Variants in CRACD observed in about 807,000 individuals in gnomAD.
CRACD encodes the protein capping protein-inhibiting regulator of actin dynamics.
In CRACD, 56 loss-of-function variants were observed where a neutral mutation model predicts 106.8. The observed-to-expected ratio is 0.52, with a 90% confidence interval of 0.42 to 0.66. CRACD has a LOEUF of 0.66. Among genes scored for constraint, CRACD ranks in the 30% least tolerant of loss-of-function variants. The pLI, the probability that CRACD is intolerant of heterozygous loss-of-function variation, is 0.00. For synonymous variants in CRACD, 754 were observed against 670.8 expected (o/e 1.12, Z -1.92); for missense variants, 1,730 against 1,623.2 (o/e 1.07, Z -1.13).
At chr4:56,221,299 G>A (rs964694437) in intron 2 of CRACD, among the ~76,000 whole-genome samples, 1 of 152,154 alleles carries the variant, frequency 6.6e-6, no homozygotes, top group Non-Finnish European at 1.5e-5. Flanking sequence ...AGCCACAACA[G>A]TATGTTTGGT....
intron 5 of CRACD, 149 bp from the exon 6 acceptor site, chr4:56,310,517 C>A: frequency 1.6e-6 from 1 of 617,500 alleles, no homozygotes; most frequent in East Asian, 2.8e-5. Flanking sequence ...TTAGCATAGT[C>A]TCCACTGGGA....
At chr4:56,145,777 C>G (rs1034019733) in intron 1 of CRACD, among the ~76,000 whole-genome samples, 1 of 151,892 alleles carries the variant, frequency 6.6e-6, no homozygotes, top group African/African-American at 2.4e-5. Flanking sequence ...ACTCCACACC[C>G]AGCTAATTTT....
At chr4:56,262,381 C>T (rs993361354) in intron 2 of CRACD, among the ~76,000 whole-genome samples, 7 of 152,198 alleles carry the variant, frequency 4.6e-5, no homozygotes, top group Non-Finnish European at 7.3e-5. Context: ...CAGCTGGGTG[C>T]GGTGTTCTAC....
At chr4:56,279,620 C>A (rs1577848300) in intron 3 of CRACD, among the ~76,000 whole-genome samples, 2 of 151,946 alleles carry the variant, frequency 1.3e-5, no homozygotes, top group African/African-American at 2.4e-5. Context: ...GTTAGAATGG[C>A]GATCATTAAA....
At position 56,171,930 on chromosome 4, in the gene CRACD, T is replaced by C. The variant is rs149190603; in HGVS notation, c.-335-7354T>C. Among the ~76,000 whole-genome samples the C allele has an allele frequency of 1.9e-3, 293 of 151,678 alleles. 1 individual carries two copies. Among genetic ancestry groups the C allele is most frequent in the African/African-American group, 6.5e-3 (268 of 41,378 alleles). On this transcript the variant is annotated intron_variant, in intron 1 of 10. Coordinates refer to ENST00000682029, the MANE Select transcript of CRACD (RefSeq NM_001393381.1). ...TGAACCTGCATGTTCCCAGAAGTTC[T>C]GTTGGGGAAGAGGCTGGGGAAGGCA...
At chr4:56,275,710 T>A (rs960805683) in intron 3 of CRACD, among the ~76,000 whole-genome samples, 1 of 152,226 alleles carries the variant, frequency 6.6e-6, no homozygotes, top group South Asian at 2.1e-4. Flanking sequence ...ATTCAAAAAA[T>A]TTTCTGTACA....
chr4:56,268,364 T>C (rs1742149315), intron 2 of CRACD, among the ~76,000 whole-genome samples: 1 of 152,152 alleles, frequency 6.6e-6, no homozygotes, highest in South Asian at 2.1e-4. Flanking sequence ...AATGATGTCA[T>C]AATTGATATT....
intron 2 of CRACD, among the ~76,000 whole-genome samples, chr4:56,201,681 GT>G (rs1228676724): frequency 6.6e-6 from 1 of 152,136 alleles, no homozygotes; most frequent in African/African-American, 2.4e-5. Flanking sequence ...CATGGAAACA[GT>G]TTTGAAAATT....
intron 1 of CRACD, among the ~76,000 whole-genome samples, chr4:56,102,849 CTCTG>C (rs1171295382): frequency 6.6e-6 from 1 of 152,218 alleles, no homozygotes; most frequent in Admixed American, 6.5e-5. Context: ...CTGACGTTCT[CTCTG>C]TCTGAGCTCT....
intron 2 of CRACD, among the ~76,000 whole-genome samples, chr4:56,188,790 A>C (rs747593414): frequency 1.1e-4 from 16 of 151,320 alleles, no homozygotes; most frequent in Admixed American, 6.6e-5. Flanking sequence ...CATATCCCCT[A>C]CTAAGTGACC....
chr4:56,070,223 C>A, intron 1 of CRACD, among the ~76,000 whole-genome samples: 1 of 152,138 alleles, frequency 6.6e-6, no homozygotes, highest in Non-Finnish European at 1.5e-5. Flanking sequence ...CTCCTCTCCT[C>A]CCGGTTCCAC....
chr4:56,134,109 G>A (rs1734917280), intron 1 of CRACD, among the ~76,000 whole-genome samples: 1 of 151,998 alleles, frequency 6.6e-6, no homozygotes, highest in South Asian at 2.1e-4. Flanking sequence ...GCTGAGGTGG[G>A]AGGATCACCT....
intron 1 of CRACD, among the ~76,000 whole-genome samples, chr4:56,138,046 C>T (rs191273049): frequency 8.0e-5 from 12 of 150,138 alleles, no homozygotes; most frequent in Admixed American, 6.7e-4. Flanking sequence ...TTTAGACATG[C>T]TAGTGTAAAA....
intron 6 of CRACD, 166 bp downstream of exon 6, chr4:56,310,900 T>A: frequency 1.7e-6 from 1 of 587,564 alleles, no homozygotes; most frequent in South Asian, 2.0e-5. Flanking sequence ...TGTTGGAGCA[T>A]CTGTTTCCAT....
chr4:56,227,230 A>T (rs1739349879), intron 2 of CRACD, among the ~76,000 whole-genome samples: 1 of 152,186 alleles, frequency 6.6e-6, no homozygotes, highest in Non-Finnish European at 1.5e-5. Context: ...TGCTGTAAAT[A>T]CTGTGACTAT....
At chr4:56,301,321 T>TG (rs1744354934) in intron 4 of CRACD, 1 of 1,021,310 alleles carries the variant, frequency 9.8e-7, no homozygotes, top group African/African-American at 1.7e-5. Flanking sequence ...AACGTGATGC[T>TG]GGTATTGATG....
intron 5 of CRACD, among the ~76,000 whole-genome samples, chr4:56,308,373 A>G (rs1017111289): frequency 1.3e-4 from 20 of 152,170 alleles, no homozygotes; most frequent in Admixed American, 1.2e-3. Flanking sequence ...CCAAAGCAGC[A>G]GAAAAGATGC....
chr4:56,117,652 G>A (rs961675064), intron 1 of CRACD, among the ~76,000 whole-genome samples: 1 of 152,184 alleles, frequency 6.6e-6, no homozygotes, highest in Admixed American at 6.5e-5. Context: ...CCACTGAACT[G>A]TACCCTTGAA....
At chr4:56,218,914 A>G (rs901150440) in intron 2 of CRACD, among the ~76,000 whole-genome samples, 2 of 152,150 alleles carry the variant, frequency 1.3e-5, no homozygotes, top group African/African-American at 4.8e-5. Flanking sequence ...AGAGCAATAC[A>G]TTTACCATCT....
Sources: gnomAD v4.1 joint callset for allele counts (sites outside exome capture counted in the v4.1 genomes callset) on GRCh38, gnomAD v4.1.1 for gene constraint, MANE v1.5 for transcripts, NCBI Gene and HGNC (gene_info 2026-07-23, HGNC 2026-07-21) for gene names.